Variants in TINAG observed in about 807,000 individuals in gnomAD.
TINAG encodes the protein tubulointerstitial nephritis antigen.
TINAG carries 83 observed loss-of-function variants against 72.7 expected under a neutral mutation model. The observed-to-expected ratio is 1.14, with a 90% CI of 0.96 to 1.37. The LOEUF is 1.37. Ranked by LOEUF, TINAG falls within the 40% of genes most tolerant of loss-of-function variation. The pLI, the probability that TINAG is intolerant of heterozygous loss-of-function variation, is 0.00. For missense variants in TINAG, 685 were observed against 576.6 expected (o/e 1.19, Z -1.93); for synonymous variants, 234 against 189.9 (o/e 1.23, Z -1.91).
chr6:54,350,327 T>C (rs1226589932), intron 7 of TINAG, among the ~76,000 whole-genome samples: 2 of 151,986 alleles, frequency 1.3e-5, no homozygotes, highest in Non-Finnish European at 2.9e-5. Flanking sequence ...CTAGTTTGTC[T>C]GTTAAAAGCC....
chr6:54,384,647 C>T (rs918778502), intron 10 of TINAG, among the ~76,000 whole-genome samples: 4 of 151,962 alleles, frequency 2.6e-5, no homozygotes, highest in African/African-American at 9.7e-5. Flanking sequence ...TGACATTTTT[C>T]TCCAAAATAA....
At position 54,354,530 on chromosome 6, in the gene TINAG, G is replaced by A; in HGVS notation, c.1144G>A (p.Glu382Lys). The change falls in exon 9 of 11, where the codon GAA becomes AAA. Residue 382 changes from glutamate to lysine, a missense_variant. By Grantham distance (56) the Glu-to-Lys change is moderately conservative. Coordinates refer to ENST00000259782, the MANE Select transcript of TINAG (RefSeq NM_014464.4). ...GPVQAIMQVR[E>K]DFFHYKTGIY... ...TATTTTAGCCATAATGCAAGTCCGTGAAGATTTCTTCCATTATAAGACAGG... is the reference window on the plus strand; with the variant it reads ...TATTTTAGCCATAATGCAAGTCCGTAAAGATTTCTTCCATTATAAGACAGG... 1.2e-6 allele frequency: 2 copies of A among 1,605,484 alleles called. No individual in the cohort carries two copies. The highest frequency in any genetic ancestry group is 4.5e-5 in the East Asian group (2 of 44,462).
intron 9 of TINAG, among the ~76,000 whole-genome samples, chr6:54,373,843 A>G (rs1763701370): frequency 6.6e-6 from 1 of 152,122 alleles, no homozygotes. Flanking sequence ...TATTCCTAAC[A>G]TCAAAGGGAT....
intron 9 of TINAG, among the ~76,000 whole-genome samples, chr6:54,375,834 T>A (rs1169085486): frequency 6.6e-6 from 1 of 152,210 alleles, no homozygotes; most frequent in East Asian, 1.9e-4. Flanking sequence ...CACTGGAGAC[T>A]ATACCCGATG....
chr6:54,317,546 G>T (rs1401718656), intron 1 of TINAG, among the ~76,000 whole-genome samples: 1 of 152,076 alleles, frequency 6.6e-6, no homozygotes, highest in Non-Finnish European at 1.5e-5. Context: ...TGCAATGATT[G>T]TGAGGCCTCC....
At chr6:54,320,387 C>T (rs1784462229) in intron 1 of TINAG, among the ~76,000 whole-genome samples, 192 bp from the exon 2 acceptor site, 1 of 152,100 alleles carries the variant, frequency 6.6e-6, no homozygotes, top group South Asian at 2.1e-4. Flanking sequence ...AAGATAAAAG[C>T]ATTGAAACAA....
intron 4 of TINAG, among the ~76,000 whole-genome samples, chr6:54,339,331 A>G (rs1479743829): frequency 3.9e-5 from 6 of 152,160 alleles, no homozygotes; most frequent in Non-Finnish European, 5.9e-5. Context: ...TTGTCCTTCC[A>G]TTGCCCAGCA....
chr6:54,330,316 C>T (rs1387625906), intron 4 of TINAG, among the ~76,000 whole-genome samples: 1 of 152,138 alleles, frequency 6.6e-6, no homozygotes, highest in Non-Finnish European at 1.5e-5. Flanking sequence ...CCAAACTGCA[C>T]AACTACATGG....
At chr6:54,326,968 T>C (rs761921520) in intron 4 of TINAG, 52 bp downstream of exon 4, 2 of 1,608,884 alleles carry the variant, frequency 1.2e-6, no homozygotes, top group Admixed American at 3.4e-5. Context: ...AAAGTGTGTT[T>C]GTGTGTGCAT....
chr6:54,331,782 G>T (rs910822682), intron 4 of TINAG, among the ~76,000 whole-genome samples: 1 of 152,004 alleles, frequency 6.6e-6, no homozygotes, highest in Non-Finnish European at 1.5e-5. Flanking sequence ...AAATCAATGT[G>T]AAAAAACCAC....
chr6:54,343,666 C>T (rs1456472842), intron 5 of TINAG, among the ~76,000 whole-genome samples: 4 of 151,500 alleles, frequency 2.6e-5, no homozygotes, highest in African/African-American at 9.7e-5. Context: ...GGTTCTTTTT[C>T]ATTCATATAT....
At chr6:54,353,627 G>T (rs1026581368) in intron 8 of TINAG, among the ~76,000 whole-genome samples, 1 of 151,710 alleles carries the variant, frequency 6.6e-6, no homozygotes, top group Admixed American at 6.6e-5. Flanking sequence ...ATCAGAAAAG[G>T]CATGGAACAT....
At chr6:54,329,004 T>A (rs1356858511) in intron 4 of TINAG, among the ~76,000 whole-genome samples, 3 of 152,118 alleles carry the variant, frequency 2.0e-5, no homozygotes, top group African/African-American at 7.2e-5. Context: ...TTGGTTGGTG[T>A]ACCTGAAGGT....
chr6:54,342,002 A>G (rs1785007481), intron 4 of TINAG, among the ~76,000 whole-genome samples: 1 of 152,196 alleles, frequency 6.6e-6, no homozygotes, highest in East Asian at 1.9e-4. Flanking sequence ...AAAATAAAAT[A>G]ATGAGTATTA....
intron 10 of TINAG, among the ~76,000 whole-genome samples, chr6:54,388,783 C>T (rs1291642341): frequency 6.6e-6 from 1 of 151,966 alleles, no homozygotes. Context: ...ACCATCCAAT[C>T]CAACCATTTT....
Position 54,351,353 on chromosome 6 carries a change from A to T in TINAG, c.1082A>T (p.Glu361Val), listed in dbSNP as rs774993212. The change falls in exon 8 of 11, where the codon GAA (glutamate) becomes GTA (valine). Residue 361 changes from glutamate to valine, a missense_variant and splice_region_variant. By Grantham distance (121) the Glu-to-Val change is moderately radical. Coordinates refer to ENST00000259782, the MANE Select transcript of TINAG (RefSeq NM_014464.4). ...CSPPYRVSSN[E>V]TEIMKEIMQN... Reference sequence around the variant, plus strand: ...GCTTATTCATATTTTTCCATCCAGGAAACTGAGATAATGAAAGAAATCATG... The same window carrying T: ...GCTTATTCATATTTTTCCATCCAGGTAACTGAGATAATGAAAGAAATCATG... The T allele has an allele frequency of 5.0e-6, 8 of 1,609,718 alleles. No homozygotes were observed. Among genetic ancestry groups the T allele is most frequent in the East Asian group, 4.5e-5 (2 of 44,530 alleles).
chr6:54,347,345 A>G (rs1199731562), intron 5 of TINAG, 22 bp from the exon 6 acceptor site: 27 of 1,610,132 alleles, frequency 1.7e-5, no homozygotes, highest in Non-Finnish European at 6.8e-6. Flanking sequence ...TTCAATATTA[A>G]TTGATATTCT....
chr6:54,308,126 T>C, upstream of TINAG: 1 of 1,549,340 alleles, frequency 6.5e-7, no homozygotes, highest in Non-Finnish European at 8.7e-7. Flanking sequence ...CATTTTTGAC[T>C]TTTGAATTTC....
intron 9 of TINAG, among the ~76,000 whole-genome samples, chr6:54,373,449 CT>C (rs1333731535): frequency 1.3e-5 from 2 of 152,044 alleles, no homozygotes; most frequent in African/African-American, 2.4e-5. Context: ...CTTTTTCTGC[CT>C]TTTTCTAGTT....
Sources: allele counts gnomAD v4.1 joint callset (sites outside exome capture counted in the v4.1 genomes callset), GRCh38; gene constraint gnomAD v4.1.1; transcripts MANE v1.5; gene names NCBI Gene and HGNC (gene_info 2026-07-23, HGNC 2026-07-21).